TRHDE: variants seen among roughly 807,000 people sequenced by gnomAD.
TRHDE encodes thyrotropin releasing hormone degrading enzyme.
TRHDE carries 72 observed loss-of-function variants against 125.7 expected under a neutral mutation model. That is an observed-to-expected ratio of 0.57 (90% CI 0.47 to 0.70). TRHDE has a LOEUF of 0.70. Ranked by LOEUF, TRHDE falls within the 30% of genes least tolerant of loss-of-function variation. The probability of loss-of-function intolerance (pLI) is 0.00; values close to 1 mark genes in which losing one functional copy is unlikely to be tolerated. For synonymous variants in TRHDE, 509 were observed against 509.1 expected (o/e 1.00, Z 0.00); for missense variants, 1,110 against 1,327.1 (o/e 0.84, Z 2.54).
At chr12:72,381,943 C>G (rs1409951543) in intron 3 of TRHDE, among the ~76,000 whole-genome samples, 1 of 152,082 alleles carries the variant, frequency 6.6e-6, no homozygotes, top group Non-Finnish European at 1.5e-5. Flanking sequence ...AGTAATCTGA[C>G]TAGAGAGGTA....
At chr12:72,546,687 T>G (rs1869436776) in intron 7 of TRHDE, among the ~76,000 whole-genome samples, 1 of 151,554 alleles carries the variant, frequency 6.6e-6, no homozygotes, top group African/African-American at 2.4e-5. Context: ...AGAAAGGGAA[T>G]TAACATTGGA....
At chr12:72,631,013 A>G (rs1391454627) in intron 15 of TRHDE, among the ~76,000 whole-genome samples, 1 of 150,764 alleles carries the variant, frequency 6.6e-6, no homozygotes, top group African/African-American at 2.4e-5. Flanking sequence ...CAAATAGAAA[A>G]AAATAAAGTG....
At chr12:72,299,962 G>A (rs1282663128) in intron 2 of TRHDE, among the ~76,000 whole-genome samples, 1 of 152,180 alleles carries the variant, frequency 6.6e-6, no homozygotes, top group Non-Finnish European at 1.5e-5. Context: ...CATCGTGGGT[G>A]AAAGGCAAAT....
At chr12:72,452,373 T>C (rs2135872009) in intron 3 of TRHDE, among the ~76,000 whole-genome samples, 1 of 152,256 alleles carries the variant, frequency 6.6e-6, no homozygotes, top group South Asian at 2.1e-4. Flanking sequence ...ATATGTAAGA[T>C]TGTGTCATTG....
intron 3 of TRHDE, among the ~76,000 whole-genome samples, chr12:72,382,339 G>C (rs557561630): frequency 2.0e-5 from 3 of 151,900 alleles, no homozygotes; most frequent in East Asian, 1.9e-4. Context: ...GGGTTGGGGA[G>C]GGGGGGACAG....
At position 72,500,794 on chromosome 12, in the gene TRHDE, T is replaced by C. The variant is rs116100764; in HGVS notation, c.1722+1159T>C. Among the ~76,000 whole-genome samples the C allele has an allele frequency of 6.6e-3, 1,005 of 151,586 alleles. 10 individuals are homozygous for C. Among genetic ancestry groups the C allele is most frequent in the African/African-American group, 0.022 (926 of 41,342 alleles). The stretch of plus-strand genomic sequence containing the variant: ...AAGTTATACCCTGAAGCATTTATTG[T>C]AGTGAACACACAAAAAATATTTTGG... On this transcript the variant is annotated intron_variant, in intron 6 of 18. Transcript: ENST00000261180.
intron 2 of TRHDE, among the ~76,000 whole-genome samples, chr12:72,171,266 G>A (rs1237262327): frequency 6.6e-6 from 1 of 152,036 alleles, no homozygotes; most frequent in Non-Finnish European, 1.5e-5. Context: ...AAAAAAATAG[G>A]ATTAGTTTTG....
intron 3 of TRHDE, among the ~76,000 whole-genome samples, chr12:72,387,729 TC>T (rs1367500154): frequency 6.6e-6 from 1 of 152,108 alleles, no homozygotes; most frequent in Non-Finnish European, 1.5e-5. Flanking sequence ...GTGGTTTCCC[TC>T]AGACTGTTCT....
At chr12:72,597,752 TATATATGC>T (rs1170146225) in intron 12 of TRHDE, among the ~76,000 whole-genome samples, 1 of 9,438 alleles carries the variant, frequency 1.1e-4, no homozygotes, top group Non-Finnish European at 2.4e-4. Context: ...TATATATATA[TATATATGC>T]ATACACACAC....
At chr12:72,575,143 A>G in intron 10 of TRHDE, 112 bp from the exon 11 acceptor site, 3 of 1,021,656 alleles carry the variant, frequency 2.9e-6, no homozygotes, top group Non-Finnish European at 4.3e-6. Flanking sequence ...TTAGGTATTT[A>G]AGATGACATT....
chr12:72,123,198 G>A (rs1363472398), intron 2 of TRHDE, among the ~76,000 whole-genome samples: 2 of 152,116 alleles, frequency 1.3e-5, no homozygotes, highest in African/African-American at 4.8e-5. Context: ...TTAATCTCGG[G>A]TAATGGGAAG....
intron 2 of TRHDE, among the ~76,000 whole-genome samples, chr12:72,266,526 G>T (rs1179397528): frequency 6.7e-6 from 1 of 149,842 alleles, no homozygotes; most frequent in Non-Finnish European, 1.5e-5. Flanking sequence ...TTTGTTCAGG[G>T]TCATACTAGA....
At chr12:72,433,881 C>G (rs1874613080) in intron 3 of TRHDE, among the ~76,000 whole-genome samples, 1 of 151,780 alleles carries the variant, frequency 6.6e-6, no homozygotes, top group Non-Finnish European at 1.5e-5. Flanking sequence ...CAACATGGAG[C>G]TGGTGATGAG....
At chr12:72,492,178 A>G (rs1877714499) in intron 5 of TRHDE, among the ~76,000 whole-genome samples, 1 of 151,940 alleles carries the variant, frequency 6.6e-6, no homozygotes, top group African/African-American at 2.4e-5. Flanking sequence ...TGAAATGTTA[A>G]TTTTTAAAGT....
At chr12:72,274,238 A>G (rs1027415230) in intron 1 of TRHDE, among the ~76,000 whole-genome samples, 6 of 152,224 alleles carry the variant, frequency 3.9e-5, no homozygotes, top group African/African-American at 1.4e-4. Context: ...CTCTGTGCTA[A>G]GGCAGGGCGA....
Position 72,122,839 on chromosome 12 carries a change from TA to T in TRHDE, n.279+17093del, listed in dbSNP as rs544270095. The stretch of plus-strand genomic sequence containing the variant: ...AAGGAGCTCCAAACCTAAATATTTT[TA>T]AAAAATATATTTAAATACGTAGTAC... On this transcript the variant is annotated intron_variant and non_coding_transcript_variant, in intron 2 of 4. Coordinates refer to the TRHDE transcript ENST00000548156. 1.4e-3 allele frequency among the ~76,000 whole-genome samples: 210 copies of T among 152,202 alleles called. 1 individual carries two copies. The highest frequency in any genetic ancestry group is 4.6e-3 in the African/African-American group (192 of 41,550).
chr12:72,319,815 G>A (rs1868992410), intron 2 of TRHDE, among the ~76,000 whole-genome samples: 1 of 151,990 alleles, frequency 6.6e-6, no homozygotes, highest in Non-Finnish European at 1.5e-5. Flanking sequence ...GACATTATGA[G>A]GACTCTTGGG....
chr12:72,559,642 T>C (rs762151946), intron 7 of TRHDE, among the ~76,000 whole-genome samples: 14 of 152,182 alleles, frequency 9.2e-5, no homozygotes, highest in Non-Finnish European at 1.8e-4. Context: ...TAAGTTAATA[T>C]TAAAACATTC....
At chr12:72,640,039 C>T (rs370107098) in intron 15 of TRHDE, among the ~76,000 whole-genome samples, 1 of 152,190 alleles carries the variant, frequency 6.6e-6, no homozygotes, top group Non-Finnish European at 1.5e-5. Context: ...CACCCAGTTC[C>T]AGCTTCCCTG....
Sources: gnomAD v4.1 joint callset for allele counts (sites outside exome capture counted in the v4.1 genomes callset) on GRCh38, gnomAD v4.1.1 for gene constraint, MANE v1.5 for transcripts, NCBI Gene and HGNC (gene_info 2026-07-23, HGNC 2026-07-21) for gene names.